ABCC12: variants seen among roughly 807,000 people sequenced by gnomAD.
The protein encoded by ABCC12 is ATP binding cassette subfamily C member 12.
Under a neutral mutation model 151.1 loss-of-function variants are expected in ABCC12, and 142 were observed. That is an observed-to-expected ratio of 0.94 (90% CI 0.82 to 1.08). The LOEUF (loss-of-function observed/expected upper bound fraction) is 1.08, where lower values mean the gene tolerates loss of function less well. Among genes scored for constraint, ABCC12 ranks in the 50% least tolerant of loss-of-function variants. ABCC12 has a pLI of 0.00. For missense variants in ABCC12, 1,638 were observed against 1,691.1 expected, an observed-to-expected ratio of 0.97 and a Z score of 0.55; for synonymous variants, 645 against 646.4, an observed-to-expected ratio of 1.00 and a Z score of 0.03.
Position 48,128,633 on chromosome 16 carries a change from G to A in ABCC12, c.1341C>T (p.Ala447=), listed in dbSNP as rs374203352. Residue 447 remains alanine, a synonymous_variant, in exon 11 of 31, where the codon GCC becomes GCT. Coordinates refer to ENST00000311303, the MANE Select transcript of ABCC12 (RefSeq NM_001393797.1). ...ANATLTWEHE[A]SRKSTPKKLQ... ...ATTTCTTTGGGGTACTTTTCCTGCT[G>A]GCTTCATGCTCCCATGTCAAGGTGG... 19 of 1,614,040 alleles carry A rather than the reference G, an allele frequency of 1.2e-5. No homozygotes were observed. Among genetic ancestry groups the A allele is most frequent in the Middle Eastern group, 3.3e-4 (2 of 6,084 alleles).
At chr16:48,133,899 T>G in intron 8 of ABCC12, 64 bp from the exon 9 acceptor site, 1 of 1,592,002 alleles carries the variant, frequency 6.3e-7, no homozygotes, top group East Asian at 2.2e-5. Flanking sequence ...CATTATGAAA[T>G]GTATTAGCCC....
At chr16:48,127,208 G>A (rs1435278041) in intron 11 of ABCC12, among the ~76,000 whole-genome samples, 2 of 152,130 alleles carry the variant, frequency 1.3e-5, no homozygotes, top group East Asian at 3.9e-4. Flanking sequence ...GCTTGCACAG[G>A]GAAAGAGTGA....
intron 2 of ABCC12, among the ~76,000 whole-genome samples, chr16:48,147,073 T>C (rs1439913659): frequency 6.6e-6 from 1 of 152,096 alleles, no homozygotes; most frequent in African/African-American, 2.4e-5. Context: ...GTCAGAGAAC[T>C]TCAACAACAC....
chr16:48,144,767 G>A (rs1964942101), intron 3 of ABCC12, among the ~76,000 whole-genome samples: 1 of 152,114 alleles, frequency 6.6e-6, no homozygotes, highest in Non-Finnish European at 1.5e-5. Flanking sequence ...CTGCTTTTGG[G>A]AGAATTCAAG....
intron 8 of ABCC12, among the ~76,000 whole-genome samples, chr16:48,136,344 C>T (rs1381407729): frequency 3.9e-5 from 6 of 152,214 alleles, no homozygotes; most frequent in Non-Finnish European, 8.8e-5. Context: ...CTGAAAGCCA[C>T]TTCTGCAGGG....
chr16:48,117,742 G>T (rs1306324693), intron 13 of ABCC12, among the ~76,000 whole-genome samples: 1 of 152,182 alleles, frequency 6.6e-6, no homozygotes, highest in African/African-American at 2.4e-5. Flanking sequence ...GCAGGACCGT[G>T]GGTGGAAGAG....
chr16:48,104,987 G>A, intron 21 of ABCC12, 152 bp downstream of exon 21: 1 of 828,616 alleles, frequency 1.2e-6, no homozygotes, highest in Non-Finnish European at 1.9e-6. Context: ...TTGGTAATTA[G>A]CTATTTGGGA....
At chr16:48,110,705 C>A (rs1389421027) in intron 18 of ABCC12, among the ~76,000 whole-genome samples, 2 of 152,266 alleles carry the variant, frequency 1.3e-5, no homozygotes, top group African/African-American at 4.8e-5. Context: ...GTGTCCCCAG[C>A]AAACTCCTAT....
chr16:48,091,854 C>T (rs954071594), intron 24 of ABCC12, among the ~76,000 whole-genome samples: 9 of 152,172 alleles, frequency 5.9e-5, no homozygotes, highest in Non-Finnish European at 1.0e-4. Flanking sequence ...CTGGAACCTG[C>T]GAATGCTCTC....
chr16:48,139,707 C>T (rs936475407), intron 6 of ABCC12, among the ~76,000 whole-genome samples: 1 of 152,194 alleles, frequency 6.6e-6, no homozygotes, highest in East Asian at 1.9e-4. Context: ...CATTTCCCAG[C>T]CTCCTTTGTG....
chr16:48,112,578 G>C (rs1963734694), intron 15 of ABCC12, among the ~76,000 whole-genome samples: 1 of 152,152 alleles, frequency 6.6e-6, no homozygotes, highest in East Asian at 1.9e-4. Flanking sequence ...CTGGATGACA[G>C]AGCAAGACTC....
chr16:48,120,587 G>T lies in ABCC12; in HGVS notation c.1712+1129C>A, dbSNP rs141745842. Among the ~76,000 whole-genome samples, 1,002 of 147,248 alleles carry T rather than the reference G, an allele frequency of 6.8e-3. 9 individuals carry two copies. The highest frequency in any genetic ancestry group is 0.024 in the African/African-American group (941 of 39,688). On this transcript the variant is annotated intron_variant, in intron 13 of 30. Transcript: ENST00000311303. The stretch of plus-strand genomic sequence containing the variant: ...TTTTTTTTTTTTGAGAAGGAGTCTC[G>T]CTCTTTTGCCCAGGCTGGAGTGCAG...
At chr16:48,142,323 G>A (rs532137185) in intron 4 of ABCC12, among the ~76,000 whole-genome samples, 3 of 152,320 alleles carry the variant, frequency 2.0e-5, no homozygotes, top group South Asian at 2.1e-4. Flanking sequence ...AGATAGCCAC[G>A]GACATGTTAT....
At chr16:48,109,494 G>A (rs1047711554) in intron 18 of ABCC12, among the ~76,000 whole-genome samples, 1 of 152,186 alleles carries the variant, frequency 6.6e-6, no homozygotes, top group Non-Finnish European at 1.5e-5. Flanking sequence ...ATTATACACC[G>A]TACTTGGCTT....
intron 2 of ABCC12, among the ~76,000 whole-genome samples, chr16:48,147,707 C>T (rs985204009): frequency 6.6e-6 from 1 of 152,160 alleles, no homozygotes; most frequent in Non-Finnish European, 1.5e-5. Context: ...ATGTTCCCTC[C>T]CTCCTCCAAT....
chr16:48,091,308 C>G, intron 24 of ABCC12, 99 bp from the exon 25 acceptor site: 1 of 1,047,542 alleles, frequency 9.5e-7, no homozygotes, highest in South Asian at 1.3e-5. Context: ...GATCCCTCCC[C>G]TGCCTAGCGC....
intron 6 of ABCC12, 52 bp downstream of exon 6, chr16:48,140,635 C>G (rs1278141699): frequency 1.3e-6 from 2 of 1,561,944 alleles, no homozygotes; most frequent in Non-Finnish European, 1.8e-6. Flanking sequence ...CACATGCACT[C>G]AAACCACTCA....
At chr16:48,093,454 G>A (rs139354342) in intron 24 of ABCC12, among the ~76,000 whole-genome samples, 325 of 152,238 alleles carry the variant, frequency 2.1e-3, no homozygotes, top group Non-Finnish European at 3.6e-3. Context: ...TCCCAGCAGA[G>A]GCCTCCTCTG....
chr16:48,134,273 G>A (rs1322660475), intron 8 of ABCC12, among the ~76,000 whole-genome samples: 5 of 152,140 alleles, frequency 3.3e-5, no homozygotes, highest in Admixed American at 2.0e-4. Flanking sequence ...ACCTCTCCTA[G>A]GAGCCTGCTC....
Sources: gnomAD v4.1 joint callset for allele counts (sites outside exome capture counted in the v4.1 genomes callset) on GRCh38, gnomAD v4.1.1 for gene constraint, MANE v1.5 for transcripts, NCBI Gene and HGNC (gene_info 2026-07-23, HGNC 2026-07-21) for gene names.